Variants in AMZ1 observed in about 807,000 individuals in gnomAD.
AMZ1 encodes archaemetzincin-1.
A neutral mutation model predicts 29.9 loss-of-function variants in AMZ1; 39 were observed. That is an observed-to-expected ratio of 1.30 (90% CI 1.01 to 1.70). The LOEUF is 1.70. AMZ1 is among the 40% of genes most tolerant of loss of function. AMZ1 has a pLI of 0.00. For missense variants in AMZ1, 1,041 were observed against 680.6 expected, an observed-to-expected ratio of 1.53 and a Z score of -5.89; for synonymous variants, 458 against 304.0, an observed-to-expected ratio of 1.51 and a Z score of -5.27.
rs560123937 is a variant in AMZ1, at chr7:2,731,264, C to T, written n.550+21448C>T. The stretch of plus-strand genomic sequence containing the variant: ...AACACGAAGCGGACGTTCTCGGTGT[C>T]GATGGCGGTGGTGAAGTGGTGGAAG... On this transcript the variant is annotated intron_variant and non_coding_transcript_variant, in intron 4 of 4. Transcript: ENST00000489665. The surrounding 1 kb of genome is among the most constrained non-coding windows in gnomAD (Gnocchi z 6.0). 89 of 1,610,692 alleles carry T rather than the reference C, an allele frequency of 5.5e-5. No homozygotes were observed. Among genetic ancestry groups the T allele is most frequent in the East Asian group, 8.9e-5 (4 of 44,750 alleles).
intron 4 of AMZ1, chr7:2,730,915 G>T (rs1225841133): frequency 4.5e-6 from 2 of 443,656 alleles, no homozygotes; most frequent in Non-Finnish European, 4.1e-6. Flanking sequence ...CAAGCTGTGT[G>T]ATTAGGTGTT....
chr7:2,741,782 C>T (rs1031802694), intron 4 of AMZ1, among the ~76,000 whole-genome samples: 2 of 151,502 alleles, frequency 1.3e-5, no homozygotes, highest in South Asian at 2.1e-4. Flanking sequence ...AATGAGGACA[C>T]CTGCTTCTAC....
chr7:2,762,351 C>G (rs961725752), upstream of AMZ1: 2 of 380,740 alleles, frequency 5.3e-6, no homozygotes, highest in Middle Eastern at 6.3e-4. Flanking sequence ...CACACACGAT[C>G]CCACCGAATC....
chr7:2,708,614 A>G lies in AMZ1; in HGVS notation c.499A>G (p.Asn167Asp), dbSNP rs1407009721. Reference protein sequence around the residue: ...TDGILSFLKNNKPGDALCVLG... With the variant: ...TDGILSFLKNDKPGDALCVLG... ...CGGCATCCTGTCCTTCTTGAAGAAC[A>G]ACAAGCCAGGGGACGCGCTGTGTGT... The change falls in exon 4 of 7, where the codon AAC (asparagine) becomes GAC (aspartate). Residue 167 changes from asparagine to aspartate, a missense_variant. Physicochemically the swap from Asn to Asp is conservative, Grantham distance 23. Coordinates refer to ENST00000683327, the MANE Select transcript of AMZ1 (RefSeq NM_001384743.1). The G allele has an allele frequency of 5.6e-6, 9 of 1,612,882 alleles. No homozygotes were observed. Among genetic ancestry groups the G allele is most frequent in the Non-Finnish European group, 7.6e-6 (9 of 1,179,958 alleles).
intron 4 of AMZ1, among the ~76,000 whole-genome samples, chr7:2,736,963 C>G (rs1025839859): frequency 2.0e-5 from 3 of 152,238 alleles, no homozygotes; most frequent in Admixed American, 6.5e-5. Context: ...GAGGGGCTGA[C>G]TCTGGTTCCC....
chr7:2,696,490 C>G (rs1224590222), intron 1 of AMZ1, among the ~76,000 whole-genome samples: 1 of 151,250 alleles, frequency 6.6e-6, no homozygotes, highest in South Asian at 2.1e-4. Flanking sequence ...ATCTCCTGAC[C>G]TCGTGATCTG....
intron 4 of AMZ1, among the ~76,000 whole-genome samples, chr7:2,743,924 A>G (rs1214542169): frequency 1.3e-5 from 2 of 151,876 alleles, no homozygotes; most frequent in African/African-American, 4.8e-5. Context: ...GCTCATTGCT[A>G]GCACAGCAGT....
intron 1 of AMZ1, among the ~76,000 whole-genome samples, chr7:2,692,336 C>T (rs1021590262): frequency 4.0e-5 from 6 of 151,822 alleles, no homozygotes; most frequent in Admixed American, 3.3e-4. Context: ...GTCAGGAGAT[C>T]GAGACCATCC....
intron 1 of AMZ1, among the ~76,000 whole-genome samples, chr7:2,680,943 C>T (rs902258427): frequency 7.9e-5 from 12 of 152,302 alleles, no homozygotes; most frequent in East Asian, 3.9e-4. Context: ...ACCAGGCCTT[C>T]GGGATCCCCG....
chr7:2,758,644 G>A (rs954473608), intron 4 of AMZ1, among the ~76,000 whole-genome samples: 1 of 152,160 alleles, frequency 6.6e-6, no homozygotes, highest in African/African-American at 2.4e-5. Context: ...AGGGTCTCGG[G>A]GGCCCCCACA....
At chr7:2,760,076 G>A (rs1379103375), upstream of AMZ1, among the ~76,000 whole-genome samples, 1 of 152,242 alleles carries the variant, frequency 6.6e-6, no homozygotes, top group Non-Finnish European at 1.5e-5. Flanking sequence ...GGAACTGAAG[G>A]TCAAGAGCTC....
upstream of AMZ1, among the ~76,000 whole-genome samples, chr7:2,686,405 G>A (rs1308779918): frequency 1.1e-4 from 16 of 152,184 alleles, no homozygotes; most frequent in African/African-American, 4.8e-5. Context: ...GTGATGGCAC[G>A]TACCTGTAGT....
chr7:2,763,191 A>ACCACACAC, upstream of AMZ1: 1 of 221,188 alleles, frequency 4.5e-6, no homozygotes, highest in Non-Finnish European at 7.5e-6. Flanking sequence ...AAGACACCCC[A>ACCACACAC]ACACACACAC....
downstream of AMZ1, among the ~76,000 whole-genome samples, chr7:2,721,964 G>A (rs1331532307): frequency 3.9e-5 from 6 of 152,338 alleles, no homozygotes; most frequent in South Asian, 2.1e-4. Flanking sequence ...GTCCGGTCAC[G>A]GCATGATGGC....
intron 4 of AMZ1, among the ~76,000 whole-genome samples, chr7:2,733,745 C>T (rs1444491661): frequency 2.6e-5 from 4 of 152,222 alleles, no homozygotes; most frequent in Non-Finnish European, 5.9e-5. Flanking sequence ...TTTCAATTTT[C>T]GCTGCTGGGT....
chr7:2,696,728 A>C (rs1178307143), intron 1 of AMZ1, among the ~76,000 whole-genome samples: 1 of 151,944 alleles, frequency 6.6e-6, no homozygotes, highest in African/African-American at 2.4e-5. Context: ...TCCACTAAAA[A>C]TACAAAAATT....
At chr7:2,706,222 C>T (rs79030303) in intron 3 of AMZ1, among the ~76,000 whole-genome samples, 1 of 152,176 alleles carries the variant, frequency 6.6e-6, no homozygotes, top group Non-Finnish European at 1.5e-5. Flanking sequence ...GTGACCCAGG[C>T]TCAAGCGCAG....
chr7:2,681,439 G>A lies in AMZ1; in HGVS notation c.-219+1768G>A, dbSNP rs376136272. 2.5e-3 allele frequency among the ~76,000 whole-genome samples: 380 copies of A among 151,934 alleles called. 1 individual carries two copies. In the Middle Eastern group the frequency reaches 0.034, roughly 14 times the overall value. ...CCCGGCTAATTTTTTTTTAATTTTT[G>A]TAGAGATGGGGGTGTCTTGCTATCC... On this transcript the variant is annotated intron_variant, in intron 1 of 6. Coordinates refer to the AMZ1 transcript ENST00000312371.
At chr7:2,696,759 G>A (rs1441111794) in intron 1 of AMZ1, among the ~76,000 whole-genome samples, 1 of 151,942 alleles carries the variant, frequency 6.6e-6, no homozygotes, top group Non-Finnish European at 1.5e-5. Flanking sequence ...GGTGGTGGGT[G>A]CCTGTAGTCC....
Sources: allele counts gnomAD v4.1 joint callset (sites outside exome capture counted in the v4.1 genomes callset), GRCh38; gene constraint gnomAD v4.1.1; non-coding constraint Gnocchi (gnomAD v3.1); transcripts MANE v1.5; gene names NCBI Gene and HGNC (gene_info 2026-07-23, HGNC 2026-07-21).